The following CPS1 variants were observed in gnomAD, a reference collection of about 807,000 sequenced individuals.
CPS1 encodes carbamoyl-phosphate synthase 1, also known as carbamoyl-phosphate synthase [ammonia], mitochondrial.
CPS1 carries 109 observed loss-of-function variants against 174.6 expected under a neutral mutation model. That is an observed-to-expected ratio of 0.62 (90% CI 0.53 to 0.73). The LOEUF (loss-of-function observed/expected upper bound fraction) is 0.73, where lower values mean the gene tolerates loss of function less well. Ranked by LOEUF, CPS1 falls within the 30% of genes least tolerant of loss-of-function variation. The pLI, the probability that CPS1 is intolerant of heterozygous loss-of-function variation, is 0.00. For synonymous variants in CPS1, 637 were observed against 632.0 expected (o/e 1.01, Z -0.12); for missense variants, 1,689 against 1,821.9 (o/e 0.93, Z 1.33).
chr2:210,631,489 C>T (rs192458217), intron 21 of CPS1, among the ~76,000 whole-genome samples: 9 of 152,130 alleles, frequency 5.9e-5, no homozygotes, highest in Non-Finnish European at 1.0e-4. Flanking sequence ...AGACTTTTTG[C>T]TATAGAAGCC....
rs1420246015 is a variant in CPS1, at chr2:210,486,286, TAA to T, written c.3+8521_3+8522del. Among the ~76,000 whole-genome samples the T allele has an allele frequency of 9.2e-5, 14 of 152,200 alleles. No homozygotes were observed. The South Asian group carries it at 2.7e-3, about 29-fold the overall frequency. On this transcript the variant is annotated intron_variant, in intron 1 of 38. Transcript: ENST00000430249. ...AATAGCTTTGAGAGATCTTTATATA[TAA>T]GTCATTTATGAGATATATGTAAAAA...
chr2:210,573,082 C>T (rs1268262353), intron 1 of CPS1, among the ~76,000 whole-genome samples: 1 of 152,004 alleles, frequency 6.6e-6, no homozygotes, highest in Non-Finnish European at 1.5e-5. Flanking sequence ...TTCAGTTCCT[C>T]TTCCAAGAAA....
chr2:210,566,392 T>G (rs530408254), intron 1 of CPS1, among the ~76,000 whole-genome samples: 1 of 152,270 alleles, frequency 6.6e-6, no homozygotes, highest in Admixed American at 6.5e-5. Flanking sequence ...CGAAACCTGC[T>G]GATTCTCCTC....
At chr2:210,674,364 T>C (rs1391524012) in intron 34 of CPS1, 2 of 152,616 alleles carry the variant, frequency 1.3e-5, no homozygotes, top group African/African-American at 4.9e-5. Flanking sequence ...TCCCAGCTAC[T>C]CGGGAGGCTG....
rs560017546 is a variant in CPS1, at chr2:210,595,821, C to T, written c.1359+239C>T. On this transcript the variant is annotated intron_variant, in intron 13 of 37. Transcript: ENST00000233072. ...ATCTCCAAAATTATTTAGGTTATTG[C>T]CTCCTTATAGTGAAAACATATAAAG... is the stretch of plus-strand genomic sequence containing the variant. 2.6e-5 allele frequency among the ~76,000 whole-genome samples: 4 copies of T among 152,006 alleles called. No homozygotes were observed. In the East Asian group the frequency reaches 7.8e-4, roughly 30 times the overall value.
intron 13 of CPS1, 36 bp from the exon 14 acceptor site, chr2:210,599,336 A>C: frequency 1.3e-6 from 2 of 1,589,360 alleles, no homozygotes; most frequent in Admixed American, 3.3e-5. Flanking sequence ...TCTTTAGACC[A>C]TATATTCATG....
intron 1 of CPS1, among the ~76,000 whole-genome samples, chr2:210,489,247 C>G (rs1035930749): frequency 2.6e-5 from 4 of 152,186 alleles, no homozygotes; most frequent in African/African-American, 9.7e-5. Flanking sequence ...AGGATCTTCT[C>G]TCCTATCTCC....
At chr2:210,642,760 G>C (rs1700270190) in intron 25 of CPS1, 95 bp downstream of exon 25, 2 of 1,145,702 alleles carry the variant, frequency 1.7e-6, no homozygotes, top group East Asian at 2.6e-5. Flanking sequence ...GATGTATATA[G>C]TAATTCCTCT....
intron 33 of CPS1, among the ~76,000 whole-genome samples, chr2:210,663,870 G>C (rs1280461253): frequency 1.3e-5 from 2 of 152,020 alleles, no homozygotes; most frequent in Non-Finnish European, 2.9e-5. Context: ...AGACTTACTA[G>C]ATACAAACTT....
intron 21 of CPS1, among the ~76,000 whole-genome samples, chr2:210,623,570 A>C (rs1052469487): frequency 6.6e-6 from 1 of 152,148 alleles, no homozygotes; most frequent in African/African-American, 2.4e-5. Flanking sequence ...TCAATGTGAT[A>C]AACTATGTCC....
At chr2:210,626,502 T>G (rs1699702660) in intron 21 of CPS1, among the ~76,000 whole-genome samples, 1 of 152,198 alleles carries the variant, frequency 6.6e-6, no homozygotes, top group Non-Finnish European at 1.5e-5. Context: ...CTCTAGGTTT[T>G]AATTTCTTAA....
chr2:210,666,684 A>G (rs1701111363), intron 33 of CPS1, among the ~76,000 whole-genome samples: 1 of 152,078 alleles, frequency 6.6e-6, no homozygotes, highest in South Asian at 2.1e-4. Flanking sequence ...CTATTGATCT[A>G]TATCTCTGTT....
Position 210,576,443 on chromosome 2 carries a change from C to T in CPS1, c.334C>T (p.Leu112=), listed in dbSNP as rs149675371. The T allele has an allele frequency of 1.1e-4, 183 of 1,613,664 alleles. No individual in the cohort carries two copies. In the South Asian group the frequency reaches 1.8e-3, roughly 16 times the overall value. Residue 112 remains leucine, a synonymous_variant, in exon 3 of 38, where the codon CTG becomes TTG. Coordinates refer to ENST00000233072, the MANE Select transcript of CPS1 (RefSeq NM_001875.5). ...GNGGAPDTTA[L]DELGLSKYLE... is the part of the protein sequence containing the mutation. The stretch of plus-strand genomic sequence containing the variant: ...TGGTGGAGCTCCTGATACTACTGCT[C>T]TGGATGAACTGGGACTTAGCAAATA...
chr2:210,675,953 T>C, intron 36 of CPS1, 113 bp downstream of exon 36: 1 of 711,594 alleles, frequency 1.4e-6, no homozygotes, highest in South Asian at 1.5e-5. Flanking sequence ...AATTTAAAAA[T>C]GAATACATTT....
chr2:210,636,818 TG>T (rs1233705448), intron 21 of CPS1, among the ~76,000 whole-genome samples: 1 of 152,118 alleles, frequency 6.6e-6, no homozygotes, highest in East Asian at 1.9e-4. Context: ...GTAAAAGGAA[TG>T]TTAAAGGTAT....
intron 1 of CPS1, among the ~76,000 whole-genome samples, chr2:210,534,114 T>C (rs551086332): frequency 6.6e-6 from 1 of 152,320 alleles, no homozygotes; most frequent in South Asian, 2.1e-4. Context: ...TAGCACTCTG[T>C]TGCTGCTGTC....
At chr2:210,505,749 C>T (rs867409396) in intron 1 of CPS1, among the ~76,000 whole-genome samples, 1 of 152,222 alleles carries the variant, frequency 6.6e-6, no homozygotes, top group East Asian at 1.9e-4. Flanking sequence ...GTATCCCACA[C>T]CTGGCACGAA....
intron 21 of CPS1, among the ~76,000 whole-genome samples, chr2:210,621,690 C>G (rs570516492): frequency 6.6e-6 from 1 of 152,036 alleles, no homozygotes; most frequent in African/African-American, 2.4e-5. Flanking sequence ...AGAGGAAATG[C>G]AGGTACCATA....
intron 32 of CPS1, among the ~76,000 whole-genome samples, chr2:210,662,233 T>C (rs1700948132): frequency 6.6e-6 from 1 of 152,172 alleles, no homozygotes; most frequent in Admixed American, 6.6e-5. Context: ...TCTTCTAGCT[T>C]ACTCATTCCC....
Sources: allele counts gnomAD v4.1 joint callset (sites outside exome capture counted in the v4.1 genomes callset), GRCh38; gene constraint gnomAD v4.1.1; transcripts MANE v1.5; gene names NCBI Gene and HGNC (gene_info 2026-07-23, HGNC 2026-07-21).